Variants in ARIH1 observed in about 807,000 individuals in gnomAD.
The protein encoded by ARIH1 is ariadne RBR E3 ubiquitin protein ligase 1.
A neutral mutation model predicts 85.0 loss-of-function variants in ARIH1; 8 were observed. That is an observed-to-expected ratio of 0.09 (90% CI 0.06 to 0.17). The LOEUF is 0.17. Among genes scored for constraint, ARIH1 ranks in the 10% least tolerant of loss-of-function variants. ARIH1 has a pLI of 1.00. For missense variants in ARIH1, 311 were observed against 718.1 expected, an observed-to-expected ratio of 0.43 and a Z score of 6.48; for synonymous variants, 238 against 253.6, an observed-to-expected ratio of 0.94 and a Z score of 0.59.
chr15:72,551,792 T>G (rs2064154028), intron 3 of ARIH1, among the ~76,000 whole-genome samples: 1 of 152,070 alleles, frequency 6.6e-6, no homozygotes. Flanking sequence ...CGTAAATAAG[T>G]GAAAAACCCA....
intron 5 of ARIH1, among the ~76,000 whole-genome samples, chr15:72,557,982 T>C (rs1231379862): frequency 6.6e-6 from 1 of 152,218 alleles, no homozygotes; most frequent in Non-Finnish European, 1.5e-5. Context: ...AGAATCATCA[T>C]CAGTGAAGAT....
chr15:72,485,955 C>T (rs1474419122), intron 1 of ARIH1, among the ~76,000 whole-genome samples: 3 of 152,002 alleles, frequency 2.0e-5, no homozygotes, highest in Non-Finnish European at 4.4e-5. Flanking sequence ...TCCTTTGGGG[C>T]CCATGGAGAT....
At chr15:72,477,403 G>A (rs2063798901) in intron 1 of ARIH1, among the ~76,000 whole-genome samples, 1 of 152,164 alleles carries the variant, frequency 6.6e-6, no homozygotes, top group Non-Finnish European at 1.5e-5. Flanking sequence ...AGAGCTTACT[G>A]TTAACTCTTA....
intron 1 of ARIH1, among the ~76,000 whole-genome samples, chr15:72,513,802 CTTCCCTCCCTCCCCCT>C (rs2063962099): frequency 1.2e-4 from 2 of 16,698 alleles, no homozygotes; most frequent in African/African-American, 3.5e-4. Flanking sequence ...CCTCTCCCTC[CTTCCCTCCCTCCCCCT>C]CTCCCTCCCC....
chr15:72,532,107 A>G (rs2064059761), intron 2 of ARIH1, among the ~76,000 whole-genome samples: 1 of 152,156 alleles, frequency 6.6e-6, no homozygotes, highest in Non-Finnish European at 1.5e-5. Context: ...GAAAGAAATA[A>G]AGAACAGAAT....
At chr15:72,576,505 CAAAAAAA>C (rs35725065) in intron 11 of ARIH1, among the ~76,000 whole-genome samples, 38 of 63,282 alleles carry the variant, frequency 6.0e-4, no homozygotes, top group African/African-American at 2.5e-3. Flanking sequence ...GACTCTGTCT[CAAAAAAA>C]AAAAAAAAAA....
At chr15:72,506,351 C>CAAAA (rs71134002) in intron 1 of ARIH1, among the ~76,000 whole-genome samples, 1,129 of 73,080 alleles carry the variant, frequency 0.015, 75 homozygotes, top group Admixed American at 0.069. Context: ...CTCCGTCTCA[C>CAAAA]AAAAAAAAAA....
chr15:72,572,934 C>T (rs771274143), intron 11 of ARIH1, among the ~76,000 whole-genome samples: 3 of 152,142 alleles, frequency 2.0e-5, no homozygotes, highest in Non-Finnish European at 4.4e-5. Context: ...TAGAAGGGAT[C>T]CAAACACTAG....
chr15:72,601,391 C>T lies in ARIH1; in HGVS notation c.*18099C>T, dbSNP rs2064382017. ...ATATGGCCTTTGTGGATCTGCACTC[C>T]TACCTCTTCTCCTATTGCAACCAAC... On this transcript the variant is annotated 3_prime_UTR_variant, in exon 14 of 14. Transcript: ENST00000379887. 6.6e-6 allele frequency: 1 copy of T among 152,138 alleles called. No individual in the cohort carries two copies. Among genetic ancestry groups the T allele is most frequent in the African/African-American group, 2.4e-5 (1 of 41,406 alleles). 9.4% of individuals were successfully genotyped at this position (152,138 alleles called of 1,614,324 possible).
At chr15:72,499,647 C>G (rs934524992) in intron 1 of ARIH1, among the ~76,000 whole-genome samples, 3 of 152,140 alleles carry the variant, frequency 2.0e-5, no homozygotes, top group Admixed American at 6.5e-5. Context: ...TTGTTTTTAA[C>G]AGGTCTAATT....
chr15:72,587,551 A>T lies in ARIH1; in HGVS notation c.*4259A>T, dbSNP rs2064322782. On this transcript the variant is annotated 3_prime_UTR_variant, in exon 14 of 14. Transcript: ENST00000379887. ...ATAGTCTGCAGGAAATTGTTACAGG[A>T]TGCACAGAACATCCCATATCCATTG... The T allele has an allele frequency of 4.3e-6, 1 of 235,006 alleles. No individual in the cohort carries two copies. The highest frequency in any genetic ancestry group is 8.4e-6 in the Non-Finnish European group (1 of 118,706). The allele number at this position is 235,006 out of a possible 1,614,324, so 14.6% of individuals were successfully genotyped here. A position where few individuals can be genotyped will look rare whatever the true frequency, so the allele number is the denominator to read the frequency against.
rs895681120 is a variant in ARIH1, at chr15:72,595,431, C to G, written c.*12139C>G. The G allele has an allele frequency of 6.6e-6, 1 of 152,350 alleles. No individual in the cohort carries two copies. The highest frequency in any genetic ancestry group is 1.5e-5 in the Non-Finnish European group (1 of 68,202). 9.4% of individuals were successfully genotyped at this position (152,350 alleles called of 1,614,324 possible). A position where few individuals can be genotyped will look rare whatever the true frequency, so the allele number is the denominator to read the frequency against. On this transcript the variant is annotated 3_prime_UTR_variant, in exon 14 of 14. Transcript: ENST00000379887. The stretch of plus-strand genomic sequence containing the variant: ...TCAAGCAATCCTCCTGCCTTGGCCT[C>G]CTACAGTGCTGGGATTAGAGGTGTG...
At chr15:72,479,159 A>G (rs1251282972) in intron 1 of ARIH1, among the ~76,000 whole-genome samples, 1 of 152,138 alleles carries the variant, frequency 6.6e-6, no homozygotes, top group African/African-American at 2.4e-5. Context: ...CTCAAAGGAA[A>G]TGCTCACTGC....
chr15:72,572,185 G>A lies in ARIH1; in HGVS notation c.1215+20G>A. 6.6e-7 allele frequency: 1 copy of A among 1,524,850 alleles called. No individual in the cohort carries two copies. Among genetic ancestry groups the A allele is most frequent in the South Asian group, 1.2e-5 (1 of 85,404 alleles). 94.5% of individuals were successfully genotyped at this position (1,524,850 alleles called of 1,614,324 possible). On this transcript the variant is annotated intron_variant, in intron 11 of 13. Coordinates refer to ENST00000379887, the MANE Select transcript of ARIH1 (RefSeq NM_005744.5). ...CAGGAGGTAAGTATATGTATAACAGGACAATAGTTGACTAAGAATGCACGT... is the reference window on the plus strand; with the variant it reads ...CAGGAGGTAAGTATATGTATAACAGAACAATAGTTGACTAAGAATGCACGT...
rs528410765 is a variant in ARIH1, at chr15:72,593,955, G to A, written c.*10663G>A. On this transcript the variant is annotated 3_prime_UTR_variant, in exon 14 of 14. Coordinates refer to ENST00000379887, the MANE Select transcript of ARIH1 (RefSeq NM_005744.5). ...TGCTAGAATCTTGATATGGGGTTTT[G>A]TTGAGTCTATAGGTCAATTTAGAAT... 1 of 151,150 alleles carries A rather than the reference G, an allele frequency of 6.6e-6. No individual in the cohort carries two copies. Among genetic ancestry groups the A allele is most frequent in the South Asian group, 2.1e-4 (1 of 4,784 alleles). 9.4% of individuals were successfully genotyped at this position (151,150 alleles called of 1,614,324 possible).
intron 3 of ARIH1, among the ~76,000 whole-genome samples, chr15:72,547,521 C>G (rs2064135078): frequency 6.6e-6 from 1 of 152,218 alleles, no homozygotes; most frequent in Admixed American, 6.5e-5. Context: ...GTGTGCACCA[C>G]CGCACCCAAC....
chr15:72,505,489 C>G (rs1294366666), intron 1 of ARIH1, among the ~76,000 whole-genome samples: 1 of 151,672 alleles, frequency 6.6e-6, no homozygotes, highest in Non-Finnish European at 1.5e-5. Context: ...TATAGGCAGT[C>G]TCCTCTTGAA....
chr15:72,529,303 C>T (rs1035886787), intron 2 of ARIH1, among the ~76,000 whole-genome samples: 1 of 152,172 alleles, frequency 6.6e-6, no homozygotes, highest in Non-Finnish European at 1.5e-5. Context: ...AGTGCAGTGG[C>T]GTGATCACAG....
At chr15:72,570,830 C>CTAAT (rs2064240803) in intron 10 of ARIH1, among the ~76,000 whole-genome samples, 1 of 152,056 alleles carries the variant, frequency 6.6e-6, no homozygotes. Flanking sequence ...CTTACTTGAA[C>CTAAT]TAATATAAGA....
Sources: gnomAD v4.1 joint callset for allele counts (sites outside exome capture counted in the v4.1 genomes callset) on GRCh38, gnomAD v4.1.1 for gene constraint, MANE v1.5 for transcripts, NCBI Gene and HGNC (gene_info 2026-07-23, HGNC 2026-07-21) for gene names.